DMBT1: variants seen among roughly 807,000 people sequenced by gnomAD.
DMBT1 encodes deleted in malignant brain tumors 1.
DMBT1 carries 198 observed loss-of-function variants against 252.9 expected under a neutral mutation model. That is an observed-to-expected ratio of 0.78 (90% CI 0.70 to 0.88). The LOEUF (loss-of-function observed/expected upper bound fraction) is 0.88, where lower values mean the gene tolerates loss of function less well. DMBT1 is among the 40% of genes least tolerant of loss of function. The probability of loss-of-function intolerance (pLI) is 0.00; values close to 1 mark genes in which losing one functional copy is unlikely to be tolerated. For synonymous variants in DMBT1, 990 were observed against 942.7 expected, an observed-to-expected ratio of 1.05 and a Z score of -0.92; for missense variants, 2,432 against 2,404.7, an observed-to-expected ratio of 1.01 and a Z score of -0.24.
rs201786091 is a variant in DMBT1 at position 122,636,086 on chromosome 10, G to A, written c.6644G>A (p.Gly2215Asp). The change falls in exon 53 of 56, where the codon GGC (glycine) becomes GAC (aspartate). Residue 2215 changes from glycine (G) to aspartate (D), a missense_variant. Around this residue, in one of 3 missense-constraint regions of DMBT1, gnomAD observed 1,162 missense variants for 1,169.0 expected, o/e 0.99. Transcript: ENST00000338354. ...LIARVCDGAR[G>D]SFTSSSNFMS... is the part of the protein sequence containing the mutation. The stretch of plus-strand genomic sequence containing the variant: ...GCTCGAGTTTGTGATGGGGCCAGAG[G>A]CTCCTTCACTTCTTCCTCCAACTTC... 5.6e-5 allele frequency: 91 copies of A among 1,613,942 alleles called. No homozygotes were observed. The African/African-American group carries it at 1.0e-3, about 18-fold the overall frequency.
chr10:122,599,981 C>A (rs371021767), intron 26 of DMBT1, 83 bp from the exon 27 acceptor site: 4 of 1,546,366 alleles, frequency 2.6e-6, no homozygotes, highest in Non-Finnish European at 3.6e-6. Context: ...GTGTCAGACT[C>A]GCCCATTTCT....
At chr10:122,633,140 T>A in intron 51 of DMBT1, 51 bp from the exon 52 acceptor site, 1 of 1,597,478 alleles carries the variant, frequency 6.3e-7, no homozygotes, top group Non-Finnish European at 8.5e-7. Flanking sequence ...GCAGGTAGAC[T>A]GTGCAGTGTG....
intron 54 of DMBT1, 131 bp downstream of exon 54, chr10:122,637,443 G>A: frequency 9.0e-7 from 1 of 1,115,824 alleles, no homozygotes; most frequent in Non-Finnish European, 1.2e-6. Context: ...TGGAATAAAG[G>A]AAGATAAAAA....
chr10:122,640,080 C>T lies in DMBT1; in HGVS notation c.6983C>T (p.Ala2328Val), dbSNP rs756830330. The T allele has an allele frequency of 6.2e-7, 1 of 1,614,040 alleles. No homozygotes were observed. Among genetic ancestry groups the T allele is most frequent in the Non-Finnish European group, 8.5e-7 (1 of 1,179,890 alleles). ...DTIDYSNFLT[A>V]AVSGGIIKRR... ...ATCGACTATTCCAACTTCCTCACAGCAGCTGTCTCAGGTGGCATCATCAAG... is the reference window on the plus strand; with the variant it reads ...ATCGACTATTCCAACTTCCTCACAGTAGCTGTCTCAGGTGGCATCATCAAG... Residue 2328 changes from alanine (A) to valine (V), a missense_variant, in exon 55 of 56, where the codon GCA (alanine) becomes GTA (valine). Physicochemically the swap from Ala to Val is moderately conservative, Grantham distance 64 (BLOSUM62 0). Around this residue, in one of 3 missense-constraint regions of DMBT1, gnomAD observed 1,162 missense variants for 1,169.0 expected, o/e 0.99. Transcript: ENST00000338354.
At position 122,618,314 on chromosome 10, in the gene DMBT1, A is replaced by G. The variant is rs1407732561; in HGVS notation, c.5189A>G (p.His1730Arg). Residue 1730 changes from histidine (H) to arginine (R), a missense_variant, in exon 41 of 56, where the codon CAT (histidine) becomes CGT (arginine). Around this residue, in one of 3 missense-constraint regions of DMBT1, gnomAD observed 1,162 missense variants for 1,169.0 expected, o/e 0.99. Coordinates refer to ENST00000338354, the MANE Select transcript of DMBT1 (RefSeq NM_001377530.1). ...TGGCTCTCCCACAACTGTGGCCATC[A>G]TGAAGATGCTGGTGTCATCTGCTCA... ...NGWLSHNCGHHEDAGVICSAA... is the reference protein window; with the variant it reads ...NGWLSHNCGHREDAGVICSAA... 3 of 1,613,830 alleles carry G rather than the reference A, an allele frequency of 1.9e-6. No individual in the cohort carries two copies.
intron 10 of DMBT1, 96 bp downstream of exon 10, chr10:122,579,997 A>G (rs1161511656): frequency 2.0e-5 from 31 of 1,570,210 alleles, no homozygotes; most frequent in African/African-American, 5.5e-5. Context: ...CAAAGCTTCT[A>G]TGTTTTCTAT....
intron 44 of DMBT1, among the ~76,000 whole-genome samples, chr10:122,624,636 A>T (rs142207068): frequency 6.6e-6 from 1 of 152,284 alleles, no homozygotes; most frequent in Non-Finnish European, 1.5e-5. Flanking sequence ...GTGTATGATG[A>T]CACCAATGAC....
At position 122,618,150 on chromosome 10, in the gene DMBT1, C is replaced by T. The variant is rs544493449; in HGVS notation, c.5025C>T (p.Val1675=). Residue 1675 remains valine (V), a synonymous_variant, in exon 41 of 56, where the codon GTC becomes GTT. Transcript: ENST00000338354. Reference sequence around the variant, plus strand: ...GGGACACCAATGATGCCAACGTGGTCTGCAGGCAGCTGGGCTGTGGCTGGG... The same window carrying T: ...GGGACACCAATGATGCCAACGTGGTTTGCAGGCAGCTGGGCTGTGGCTGGG... ...DYWDTNDANV[V]CRQLGCGWAM... is the part of the protein sequence containing the mutation. 4 of 1,613,934 alleles carry T rather than the reference C, an allele frequency of 2.5e-6. No individual in the cohort carries two copies. Among genetic ancestry groups the T allele is most frequent in the Non-Finnish European group, 1.7e-6 (2 of 1,179,886 alleles).
At chr10:122,622,669 G>A (rs1232694585) in intron 44 of DMBT1, among the ~76,000 whole-genome samples, 2 of 152,130 alleles carry the variant, frequency 1.3e-5, no homozygotes, top group Non-Finnish European at 2.9e-5. Context: ...TTGTAAACAG[G>A]TGCTTTCTTC....
Position 122,570,164 on chromosome 10 carries a change from T to A in DMBT1, c.94T>A (p.Ser32Thr). 1.9e-6 allele frequency: 3 copies of A among 1,593,212 alleles called. No individual in the cohort carries two copies. The South Asian group carries it at 3.3e-5, about 18-fold the overall frequency. Residue 32 changes from serine (S) to threonine (T), a missense_variant and splice_region_variant, in exon 3 of 56, where the codon TCA (serine) becomes ACA (threonine). Coordinates refer to ENST00000338354, the MANE Select transcript of DMBT1 (RefSeq NM_001377530.1). ...GWIPRTTDYASLIPSEVPLDP... is the reference protein window; with the variant it reads ...GWIPRTTDYATLIPSEVPLDP... ...GCTCTTCCTTTTCCACCTCGCAGCTTCACTGATTCCCTCGGAGGTGCCCTT... is the reference window on the plus strand; with the variant it reads ...GCTCTTCCTTTTCCACCTCGCAGCTACACTGATTCCCTCGGAGGTGCCCTT...
intron 45 of DMBT1, 122 bp downstream of exon 45, chr10:122,625,425 T>C: frequency 1.1e-6 from 1 of 934,798 alleles, no homozygotes; most frequent in African/African-American, 1.6e-5. Context: ...CTGAGGACTC[T>C]GATCTTTGTT....
Position 122,637,310 on chromosome 10 carries a change from C to T in DMBT1, c.6940C>T (p.Gln2314Ter), listed in dbSNP as rs1233807377. 1.2e-6 allele frequency: 2 copies of T among 1,602,382 alleles called. No homozygotes were observed. The highest frequency in any genetic ancestry group is 2.2e-5 in the South Asian group (2 of 89,436). The change falls in exon 54 of 56, where the codon CAG becomes TAG. Residue 2314 changes from glutamine to a stop codon, truncating the protein, a stop_gained and splice_region_variant. Transcript: ENST00000338354. LOFTEE classifies it high-confidence loss of function. The stretch of plus-strand genomic sequence containing the variant: ...CTACTCAGGCTGCGGCACCTTCAAG[C>T]AGGTAAGCCTGGGGCTTCCCATTCC... Reference protein sequence around the residue: ...IPYSGCGTFKQADNDTIDYSN... With the variant: ...IPYSGCGTFK
intron 17 of DMBT1, 114 bp from the exon 18 acceptor site, chr10:122,590,550 TG>T: frequency 7.7e-7 from 1 of 1,296,174 alleles, no homozygotes; most frequent in Non-Finnish European, 1.1e-6. Context: ...CCCCTCCCTC[TG>T]TGATGGGGAC....
At chr10:122,597,293 G>A (rs575641493) in intron 24 of DMBT1, among the ~76,000 whole-genome samples, 11 of 152,256 alleles carry the variant, frequency 7.2e-5, no homozygotes, top group African/African-American at 2.6e-4. Flanking sequence ...CTGTCCCAAT[G>A]GCCAACCCTT....
intron 21 of DMBT1, 73 bp downstream of exon 21, chr10:122,593,671 G>T (rs1011167628): frequency 6.9e-7 from 1 of 1,448,286 alleles, no homozygotes; most frequent in Non-Finnish European, 9.4e-7. Context: ...ACTCCACAGA[G>T]CTCTCCTGTT....
chr10:122,623,985 C>A (rs2098095225), intron 44 of DMBT1, among the ~76,000 whole-genome samples: 1 of 152,188 alleles, frequency 6.6e-6, no homozygotes, highest in South Asian at 2.1e-4. Context: ...TCAGTAGGTC[C>A]AGGTTTTGTT....
intron 8 of DMBT1, among the ~76,000 whole-genome samples, chr10:122,578,292 T>C (rs1336457010): frequency 1.3e-5 from 2 of 152,196 alleles, no homozygotes; most frequent in African/African-American, 4.8e-5. Context: ...GCAGAGGCCA[T>C]GCTGAGGGGA....
At chr10:122,586,514 C>A in intron 16 of DMBT1, 131 bp downstream of exon 16, 6 of 1,388,752 alleles carry the variant, frequency 4.3e-6, no homozygotes, top group Non-Finnish European at 5.8e-6. Context: ...TTAGCTCTCT[C>A]CTAGGAAACC....
At chr10:122,580,136 A>G (rs570532848) in intron 10 of DMBT1, among the ~76,000 whole-genome samples, 2 of 152,282 alleles carry the variant, frequency 1.3e-5, no homozygotes, top group East Asian at 3.9e-4. Context: ...GAGGCAAGGC[A>G]AGGAAGAGGC....
Sources: gnomAD v4.1 joint callset for allele counts (sites outside exome capture counted in the v4.1 genomes callset) on GRCh38, gnomAD v4.1.1 for gene constraint, gnomAD v4.1.1 regional missense constraint, MANE v1.5 for transcripts, NCBI Gene and HGNC (gene_info 2026-07-23, HGNC 2026-07-21) for gene names.